The following ANKS1B variants were observed in gnomAD, a reference collection of about 807,000 sequenced individuals.
ANKS1B encodes ankyrin repeat and sterile alpha motif domain containing 1B, also known as ankyrin repeat and sterile alpha motif domain-containing protein 1B.
ANKS1B carries 36 observed loss-of-function variants against 148.3 expected under a neutral mutation model. That is an observed-to-expected ratio of 0.24 (90% CI 0.19 to 0.32). The LOEUF is 0.32. ANKS1B is among the 10% of genes least tolerant of loss of function. The pLI, the probability that ANKS1B is intolerant of heterozygous loss-of-function variation, is 1.00. For synonymous variants in ANKS1B, 542 were observed against 560.8 expected (o/e 0.97, Z 0.47); for missense variants, 1,157 against 1,542.6 (o/e 0.75, Z 4.19).
intron 1 of ANKS1B, among the ~76,000 whole-genome samples, chr12:99,853,559 C>G (rs1023131431): frequency 1.3e-5 from 2 of 152,112 alleles, no homozygotes; most frequent in Admixed American, 1.3e-4. Flanking sequence ...AAGGGAGCAC[C>G]CTGTGGTACA....
chr12:99,202,112 A>T (rs2082138999), intron 14 of ANKS1B, among the ~76,000 whole-genome samples: 1 of 152,238 alleles, frequency 6.6e-6, no homozygotes. Flanking sequence ...TAGGGTCAGC[A>T]TATGTCTTCA....
At chr12:99,441,715 A>G (rs1281262142) in intron 11 of ANKS1B, among the ~76,000 whole-genome samples, 2 of 151,958 alleles carry the variant, frequency 1.3e-5, no homozygotes, top group East Asian at 3.9e-4. Context: ...ATAACATTTA[A>G]GAAAGATGGA....
At position 99,891,487 on chromosome 12, in the gene ANKS1B, C is replaced by A. The variant is rs1274893393; in HGVS notation, c.135-66098G>T. Among the ~76,000 whole-genome samples, 4 of 152,038 alleles carry A rather than the reference C, an allele frequency of 2.6e-5. No homozygotes were observed. The East Asian group carries it at 5.8e-4, about 22-fold the overall frequency. On this transcript the variant is annotated intron_variant, in intron 1 of 26. Coordinates refer to ENST00000683438, the MANE Select transcript of ANKS1B (RefSeq NM_001352186.2). ...CATCTGATTCTGACTCCCAAAATGC[C>A]AGGATAACAGGTGTGAGCCACCATG...
intron 17 of ANKS1B, among the ~76,000 whole-genome samples, chr12:98,938,887 A>G (rs966075828): frequency 1.4e-4 from 22 of 152,234 alleles, no homozygotes; most frequent in Admixed American, 6.5e-4. Context: ...TTGCAATGAA[A>G]TGGAAAAGGC....
At chr12:99,277,609 C>T (rs938702253) in intron 12 of ANKS1B, among the ~76,000 whole-genome samples, 33 of 152,208 alleles carry the variant, frequency 2.2e-4, no homozygotes, top group African/African-American at 6.0e-4. Flanking sequence ...TTCTGAGGCT[C>T]GCCCAGTTCT....
rs35471478 is a variant in ANKS1B, at chr12:99,648,368, G to C, written c.1272+6699C>G. 8.0e-4 allele frequency: 1,284 copies of C among 1,614,088 alleles called. 7 individuals are homozygous for C. In the African/African-American group the frequency reaches 0.016, roughly 20 times the overall value. On this transcript the variant is annotated intron_variant, in intron 9 of 26. Coordinates refer to ENST00000683438, the MANE Select transcript of ANKS1B (RefSeq NM_001352186.2). Reference sequence around the variant, plus strand: ...GGAGAAGTGATTGACGTGCACAACCGTGCCCGAATGGTAACAATGGGCATC... The same window carrying C: ...GGAGAAGTGATTGACGTGCACAACCCTGCCCGAATGGTAACAATGGGCATC...
intron 17 of ANKS1B, among the ~76,000 whole-genome samples, chr12:99,015,849 G>C (rs1316885034): frequency 1.3e-5 from 2 of 152,148 alleles, no homozygotes; most frequent in African/African-American, 4.8e-5. Flanking sequence ...CTGGGTGACA[G>C]AGCAAGACTC....
intron 9 of ANKS1B, among the ~76,000 whole-genome samples, chr12:99,599,823 T>G (rs557470751): frequency 6.6e-6 from 1 of 152,092 alleles, no homozygotes; most frequent in Non-Finnish European, 1.5e-5. Flanking sequence ...TTCTGGTAGA[T>G]AAATTGATAT....
chr12:99,674,329 C>G (rs2098552082), intron 8 of ANKS1B, among the ~76,000 whole-genome samples: 1 of 151,746 alleles, frequency 6.6e-6, no homozygotes, highest in Non-Finnish European at 1.5e-5. Context: ...ACATAACACA[C>G]ATTTGTTTAA....
At chr12:99,440,856 C>T (rs1029462258) in intron 11 of ANKS1B, among the ~76,000 whole-genome samples, 1 of 151,718 alleles carries the variant, frequency 6.6e-6, no homozygotes, top group Non-Finnish European at 1.5e-5. Flanking sequence ...GGAAAAGGAA[C>T]CAATTTGCTA....
chr12:98,950,541 C>T (rs1177948354), intron 17 of ANKS1B, among the ~76,000 whole-genome samples: 1 of 151,980 alleles, frequency 6.6e-6, no homozygotes, highest in South Asian at 2.1e-4. Flanking sequence ...TCCCATCTGT[C>T]CTGCGAGTCC....
In ANKS1B at chr12:99,984,284, T is replaced by TCCACCCC; in HGVS notation, c.-48_-47insGGGGTGG. 7.1e-7 allele frequency: 1 copy of TCCACCCC among 1,402,308 alleles called. No homozygotes were observed. Among genetic ancestry groups the TCCACCCC allele is most frequent in the Non-Finnish European group, 9.5e-7 (1 of 1,049,366 alleles). 86.9% of individuals were successfully genotyped at this position (1,402,308 alleles called of 1,614,324 possible). On this transcript the variant is annotated 5_prime_UTR_variant, in exon 1 of 27. Coordinates refer to ENST00000683438, the MANE Select transcript of ANKS1B (RefSeq NM_001352186.2). ...CAGAGTCCTTGCCCCCCTCGGGTCC[T>TCCACCCC]CCTCCCCACCCACCCCCACTCCCCA...
At chr12:99,384,284 G>A (rs2093768409) in intron 12 of ANKS1B, among the ~76,000 whole-genome samples, 1 of 152,154 alleles carries the variant, frequency 6.6e-6, no homozygotes, top group African/African-American at 2.4e-5. Context: ...TTCTGTGACT[G>A]TAAACAAGTT....
chr12:99,882,903 G>C (rs747632442), intron 1 of ANKS1B, among the ~76,000 whole-genome samples: 2 of 152,158 alleles, frequency 1.3e-5, no homozygotes, highest in African/African-American at 2.4e-5. Context: ...CCAGAATTCT[G>C]TATCTAGCAA....
chr12:99,631,722 A>G (rs2098162965), intron 9 of ANKS1B, among the ~76,000 whole-genome samples: 1 of 152,206 alleles, frequency 6.6e-6, no homozygotes, highest in South Asian at 2.1e-4. Context: ...ATTTCTAAGT[A>G]AAACATAAAA....
At chr12:99,642,102 G>T (rs766905453) in intron 9 of ANKS1B, among the ~76,000 whole-genome samples, 9 of 152,026 alleles carry the variant, frequency 5.9e-5, no homozygotes, top group Non-Finnish European at 1.2e-4. Context: ...TCATCATAAG[G>T]CTTTCCTAAA....
At chr12:99,110,674 C>T (rs187094161) in intron 15 of ANKS1B, among the ~76,000 whole-genome samples, 3 of 152,184 alleles carry the variant, frequency 2.0e-5, no homozygotes, top group Admixed American at 6.5e-5. Flanking sequence ...AAAATAAAAG[C>T]GTTTCTGAGA....
downstream of ANKS1B, among the ~76,000 whole-genome samples, chr12:98,740,101 G>T (rs1234451305): frequency 2.0e-5 from 3 of 152,198 alleles, no homozygotes; most frequent in African/African-American, 4.8e-5. Flanking sequence ...CCCTGGGCTT[G>T]TTGCTGGGGC....
intron 1 of ANKS1B, among the ~76,000 whole-genome samples, chr12:99,876,438 A>G (rs770377302): frequency 6.6e-6 from 1 of 152,110 alleles, no homozygotes; most frequent in Non-Finnish European, 1.5e-5. Context: ...GAAAGAAGAA[A>G]GAGGCCAGGC....
Sources: allele counts gnomAD v4.1 joint callset (sites outside exome capture counted in the v4.1 genomes callset), GRCh38; gene constraint gnomAD v4.1.1; transcripts MANE v1.5; gene names NCBI Gene and HGNC (gene_info 2026-07-23, HGNC 2026-07-21).